The following GFOD1 variants were observed in gnomAD, a reference collection of about 807,000 sequenced individuals.
GFOD1 encodes glucose-fructose oxidoreductase domain-containing protein 1.
Under a neutral mutation model 25.4 loss-of-function variants are expected in GFOD1, and 9 were observed. The ratio of observed to expected loss-of-function variants is 0.35; its 90% CI spans 0.21 to 0.62. GFOD1 has a LOEUF of 0.62. Among genes scored for constraint, GFOD1 ranks in the 20% least tolerant of loss-of-function variants. The pLI, the probability that GFOD1 is intolerant of heterozygous loss-of-function variation, is 0.72. For missense variants in GFOD1, 403 were observed against 556.9 expected, an observed-to-expected ratio of 0.72 and a Z score of 2.78; for synonymous variants, 253 against 245.6, an observed-to-expected ratio of 1.03 and a Z score of -0.28.
intron 1 of GFOD1, among the ~76,000 whole-genome samples, chr6:13,443,393 G>A (rs184229571): frequency 2.6e-4 from 40 of 152,368 alleles, no homozygotes; most frequent in Admixed American, 2.4e-3. Context: ...TTTGAAAGGA[G>A]TGACTCCAAT....
At chr6:13,477,891 C>T (rs1020833619) in intron 1 of GFOD1, among the ~76,000 whole-genome samples, 3 of 151,754 alleles carry the variant, frequency 2.0e-5, no homozygotes, top group Admixed American at 6.6e-5. Context: ...CATGGCGACC[C>T]CATCTCTATC....
chr6:13,478,661 C>T (rs969203795), intron 1 of GFOD1, among the ~76,000 whole-genome samples: 15 of 152,142 alleles, frequency 9.9e-5, no homozygotes, highest in African/African-American at 2.7e-4. Context: ...CAGCTGGGTG[C>T]GGGGGCAGGG....
At chr6:13,384,687 G>A (rs556958205) in intron 1 of GFOD1, among the ~76,000 whole-genome samples, 10 of 152,276 alleles carry the variant, frequency 6.6e-5, no homozygotes, top group South Asian at 2.1e-4. Context: ...CCACTGACAC[G>A]CTAACTCGCC....
chr6:13,448,377 G>C (rs1051219885), intron 1 of GFOD1, among the ~76,000 whole-genome samples: 6 of 152,116 alleles, frequency 3.9e-5, no homozygotes, highest in African/African-American at 1.4e-4. Context: ...GTTCTGGAAG[G>C]GAGCCCCTCC....
chr6:13,483,796 T>A (rs1758808073), intron 1 of GFOD1, among the ~76,000 whole-genome samples: 2 of 152,172 alleles, frequency 1.3e-5, no homozygotes, highest in Admixed American at 1.3e-4. Flanking sequence ...GGTAGAGTGC[T>A]GGGTTCAAAT....
At chr6:13,426,264 GCAGGCCA>G (rs1229377701) in intron 1 of GFOD1, among the ~76,000 whole-genome samples, 1 of 152,250 alleles carries the variant, frequency 6.6e-6, no homozygotes, top group Non-Finnish European at 1.5e-5. Flanking sequence ...ACGCCCCCAG[GCAGGCCA>G]CAGGCCCAGA....
At chr6:13,445,050 A>G (rs1390780772) in intron 1 of GFOD1, among the ~76,000 whole-genome samples, 1 of 152,222 alleles carries the variant, frequency 6.6e-6, no homozygotes, top group Non-Finnish European at 1.5e-5. Flanking sequence ...CAGTCTGGCA[A>G]TAACACCACA....
rs1017269164 is a variant in GFOD1, at chr6:13,393,409, A to T, written c.254-27747T>A. 3.4e-5 allele frequency among the ~76,000 whole-genome samples: 5 copies of T among 146,294 alleles called. 1 individual carries two copies. The highest frequency in any genetic ancestry group is 1.2e-4 in the African/African-American group (5 of 40,306). ...AAAAAAAAAGGAAAGAAGTAAGAAG[A>T]TGGGACAGAAGCCTTTATAGTCATG... is the stretch of plus-strand genomic sequence containing the variant. On this transcript the variant is annotated intron_variant, in intron 1 of 1. Transcript: ENST00000379287.
At chr6:13,383,868 G>A (rs766800098) in intron 1 of GFOD1, among the ~76,000 whole-genome samples, 3 of 152,166 alleles carry the variant, frequency 2.0e-5, no homozygotes, top group Non-Finnish European at 4.4e-5. Flanking sequence ...TCAAGTAAGC[G>A]CTTTAAAATG....
intron 1 of GFOD1, among the ~76,000 whole-genome samples, chr6:13,462,191 G>T (rs1414082984): frequency 6.6e-6 from 1 of 152,212 alleles, no homozygotes; most frequent in Non-Finnish European, 1.5e-5. Flanking sequence ...GGAAGGATCT[G>T]ATATAGTGTG....
chr6:13,411,337 G>A (rs1159626088), intron 1 of GFOD1, among the ~76,000 whole-genome samples: 1 of 152,150 alleles, frequency 6.6e-6, no homozygotes, highest in African/African-American at 2.4e-5. Flanking sequence ...TGTCAGCCAG[G>A]CTGGAGTGCA....
intron 1 of GFOD1, among the ~76,000 whole-genome samples, chr6:13,458,757 CA>C (rs5874418): frequency 0.098 from 5,454 of 55,922 alleles, 53 homozygotes; most frequent in South Asian, 0.22. Context: ...TCCCCTTGAG[CA>C]AAAAAAAAAA....
chr6:13,385,344 C>T (rs182152380), intron 1 of GFOD1, among the ~76,000 whole-genome samples: 12 of 152,318 alleles, frequency 7.9e-5, no homozygotes, highest in Non-Finnish European at 1.3e-4. Flanking sequence ...ACATCTGTAA[C>T]ATAAAAGTAC....
At chr6:13,433,628 A>G (rs1757786818) in intron 1 of GFOD1, among the ~76,000 whole-genome samples, 1 of 152,176 alleles carries the variant, frequency 6.6e-6, no homozygotes, top group Non-Finnish European at 1.5e-5. Flanking sequence ...TCATGGAAGA[A>G]AGCCTTGAGG....
intron 1 of GFOD1, chr6:13,469,118 G>C (rs772309120): frequency 2.8e-6 from 1 of 352,242 alleles, no homozygotes; most frequent in Non-Finnish European, 4.0e-6. Flanking sequence ...CAGTTATGTA[G>C]GAGAGGGAGT....
intron 1 of GFOD1, among the ~76,000 whole-genome samples, chr6:13,414,217 C>T (rs1365926802): frequency 6.6e-6 from 1 of 152,242 alleles, no homozygotes; most frequent in East Asian, 1.9e-4. Flanking sequence ...ACAAACAAAG[C>T]ATGGGCCCTG....
intron 1 of GFOD1, among the ~76,000 whole-genome samples, chr6:13,367,899 A>G (rs1785077960): frequency 6.6e-6 from 1 of 152,128 alleles, no homozygotes; most frequent in South Asian, 2.1e-4. Flanking sequence ...AGACCCTCTA[A>G]TGGAGACCTG....
chr6:13,410,740 A>C (rs2127566036), intron 1 of GFOD1, among the ~76,000 whole-genome samples: 1 of 152,254 alleles, frequency 6.6e-6, no homozygotes, highest in East Asian at 1.9e-4. Context: ...GCTCAGAGTC[A>C]GTGTCATGGG....
In GFOD1 at chr6:13,360,440, T is replaced by G; in HGVS notation, c.*4303A>C. The stretch of plus-strand genomic sequence containing the variant: ...GTGCAGTGCACAGCTAAAATTGGAG[T>G]GACAAACAAACGAACTTTAAAGCCC... On this transcript the variant is annotated 3_prime_UTR_variant, in exon 2 of 2. Transcript: ENST00000379287. 3.0e-6 allele frequency: 1 copy of G among 333,992 alleles called. No homozygotes were observed. Among genetic ancestry groups the G allele is most frequent in the South Asian group, 2.3e-5 (1 of 43,580 alleles). The allele number at this position is 333,992 out of a possible 1,614,324, so 20.7% of individuals were successfully genotyped here.
Sources: allele counts gnomAD v4.1 joint callset (sites outside exome capture counted in the v4.1 genomes callset), GRCh38; gene constraint gnomAD v4.1.1; transcripts MANE v1.5; gene names NCBI Gene and HGNC (gene_info 2026-07-23, HGNC 2026-07-21).